PDK4: variants seen among roughly 807,000 people sequenced by gnomAD.
The protein encoded by PDK4 is pyruvate dehydrogenase kinase 4.
Under a neutral mutation model 51.7 loss-of-function variants are expected in PDK4, and 43 were observed. The observed-to-expected ratio is 0.83, with a 90% CI of 0.65 to 1.07. The LOEUF (loss-of-function observed/expected upper bound fraction) is 1.07. PDK4 is among the 50% of genes least tolerant of loss of function. The pLI, the probability that PDK4 is intolerant of heterozygous loss-of-function variation, is 0.00. For synonymous variants in PDK4, 170 were observed against 176.6 expected (o/e 0.96, Z 0.30); for missense variants, 498 against 503.5 (o/e 0.99, Z 0.10).
intron 6 of PDK4, among the ~76,000 whole-genome samples, chr7:95,591,535 A>T (rs1027421884): frequency 1.3e-5 from 2 of 152,080 alleles, no homozygotes; most frequent in Admixed American, 1.3e-4. Flanking sequence ...TGACCATTTT[A>T]TACATCTCAT....
At position 95,592,520 on chromosome 7, in the gene PDK4, C is replaced by T. The variant is rs1791563501; in HGVS notation, c.607G>A (p.Val203Met). The change falls in exon 5 of 11, where the codon GTG (valine) becomes ATG (methionine). Residue 203 changes from valine (V) to methionine (M), a missense_variant. Physicochemically the swap from Val to Met is conservative, Grantham distance 21. Coordinates refer to ENST00000005178, the MANE Select transcript of PDK4 (RefSeq NM_002612.4). Reference sequence around the variant, plus strand: ...GAAATACAGAACATACCTTGGACCACTGCTACCACATCACAGTTAGGATCA... The same window carrying T: ...GAAATACAGAACATACCTTGGACCATTGCTACCACATCACAGTTAGGATCA... ...SIDPNCDVVAVVQDAFECSRM... is the reference protein window; with the variant it reads ...SIDPNCDVVAMVQDAFECSRM... 2 of 1,597,216 alleles carry T rather than the reference C, an allele frequency of 1.3e-6. No individual in the cohort carries two copies. Among genetic ancestry groups the T allele is most frequent in the East Asian group, 2.2e-5 (1 of 44,764 alleles).
intron 3 of PDK4, 113 bp from the exon 4 acceptor site, chr7:95,593,057 A>G (rs1791572794): frequency 3.5e-6 from 2 of 572,354 alleles, no homozygotes; most frequent in Non-Finnish European, 6.1e-6. Flanking sequence ...ATCTGAACAA[A>G]TCAAATGATA....
chr7:95,584,717 A>G lies in PDK4; in HGVS notation c.*924T>C, dbSNP rs1296691762. On this transcript the variant is annotated 3_prime_UTR_variant, in exon 11 of 11. Coordinates refer to ENST00000005178, the MANE Select transcript of PDK4 (RefSeq NM_002612.4). Reference sequence around the variant, plus strand: ...GGATTACCTTCATTTCAGGGTAGAGAAAAGCCCTTCCTACTGAATTAGGCT... The same window carrying G: ...GGATTACCTTCATTTCAGGGTAGAGGAAAGCCCTTCCTACTGAATTAGGCT... 1 of 152,302 alleles carries G rather than the reference A, an allele frequency of 6.6e-6. No homozygotes were observed. Among genetic ancestry groups the G allele is most frequent in the East Asian group, 1.9e-4 (1 of 5,190 alleles). 9.4% of individuals were successfully genotyped at this position (152,302 alleles called of 1,614,324 possible).
intron 7 of PDK4, 104 bp from the exon 8 acceptor site, chr7:95,587,929 A>C (rs1791507735): frequency 1.4e-6 from 1 of 740,420 alleles, no homozygotes; most frequent in Non-Finnish European, 2.3e-6. Context: ...GGGTAATTCA[A>C]AGTTCCTATT....
Position 95,596,481 on chromosome 7 carries a change from G to A in PDK4, c.-188C>T, listed in dbSNP as rs935863513. The A allele has an allele frequency of 7.5e-6, 4 of 536,854 alleles. No homozygotes were observed. The highest frequency in any genetic ancestry group is 4.2e-5 in the African/African-American group (2 of 47,974). 33.3% of individuals were successfully genotyped at this position (536,854 alleles called of 1,614,324 possible). A position where few individuals can be genotyped will look rare whatever the true frequency, so the allele number is the denominator to read the frequency against. ...CGGAGTGAAGAGTCTGGGCAGAGTC[G>A]GAGATGCAGTGGTTCGAGATTCAAG... is the stretch of plus-strand genomic sequence containing the variant. On this transcript the variant is annotated 5_prime_UTR_variant, in exon 1 of 11. Coordinates refer to ENST00000005178, the MANE Select transcript of PDK4 (RefSeq NM_002612.4).
rs1332009826 is a variant in PDK4, at chr7:95,587,529, C to G, written c.871-1G>C. The G allele has an allele frequency of 1.9e-6, 3 of 1,559,082 alleles. No individual in the cohort carries two copies. The highest frequency in any genetic ancestry group is 2.2e-5 in the East Asian group (1 of 44,598). On this transcript the variant is annotated splice_acceptor_variant, in intron 8 of 10. Transcript: ENST00000005178. LOFTEE classifies it high-confidence loss of function. ...GAACACCACCTCCTCTGTCTGAAAT[C>G]TAAAACAAACAAACAAGTCATCAAA...
intron 3 of PDK4, among the ~76,000 whole-genome samples, chr7:95,593,469 TC>T (rs1277769803): frequency 1.3e-5 from 2 of 152,252 alleles, no homozygotes; most frequent in East Asian, 1.9e-4. Context: ...AAAATAGGTC[TC>T]CCTGGGGGAT....
At chr7:95,596,073 A>T in intron 1 of PDK4, 91 bp downstream of exon 1, 1 of 1,362,908 alleles carries the variant, frequency 7.3e-7, no homozygotes, top group African/African-American at 1.6e-5. Flanking sequence ...CAGTTGTTTT[A>T]GCTTGAGCCT....
Position 95,587,365 on chromosome 7 carries a change from CTACA to C in PDK4, c.981+49_981+52del, listed in dbSNP as rs755800792. On this transcript the variant is annotated intron_variant, in intron 9 of 10. Coordinates refer to ENST00000005178, the MANE Select transcript of PDK4 (RefSeq NM_002612.4). ...TAAATAATCCCTTGCAATCCTTGCTCTACATTTAGAACTAGGTGGCTGAGATTAA... is the reference window on the plus strand; with the variant it reads ...TAAATAATCCCTTGCAATCCTTGCTCTTTAGAACTAGGTGGCTGAGATTAA... 21 of 1,069,610 alleles carry C rather than the reference CTACA, an allele frequency of 2.0e-5. No individual in the cohort carries two copies. In the Middle Eastern group the frequency reaches 4.0e-3, roughly 204 times the overall value. The allele number at this position is 1,069,610 out of a possible 1,614,324, so 66.3% of individuals were successfully genotyped here.
At chr7:95,596,092 C>G in intron 1 of PDK4, 72 bp downstream of exon 1, 1 of 1,474,362 alleles carries the variant, frequency 6.8e-7, no homozygotes, top group Non-Finnish European at 9.1e-7. Flanking sequence ...CTAGCCCTCC[C>G]TCTACCAAGG....
intron 6 of PDK4, among the ~76,000 whole-genome samples, chr7:95,590,862 G>A (rs1344451282): frequency 1.3e-5 from 2 of 152,194 alleles, no homozygotes; most frequent in South Asian, 4.1e-4. Flanking sequence ...GGTGAAAATA[G>A]TGCCTTTCGT....
intron 5 of PDK4, 22 bp from the exon 6 acceptor site, chr7:95,592,087 A>T: frequency 7.0e-7 from 1 of 1,428,110 alleles, no homozygotes; most frequent in Non-Finnish European, 9.7e-7. Flanking sequence ...GTTGTTTTTT[A>T]TAACAATGAA....
chr7:95,596,074 G>T lies in PDK4; in HGVS notation c.130+90C>A. On this transcript the variant is annotated intron_variant, in intron 1 of 10. Transcript: ENST00000005178. ...AGCAAAGTGAACCCCAGTTGTTTTA[G>T]CTTGAGCCTAGCCCTCCCTCTACCA... 10 of 1,371,824 alleles carry T rather than the reference G, an allele frequency of 7.3e-6. No homozygotes were observed. In the African/African-American group the frequency reaches 1.2e-4, roughly 17 times the overall value. The allele number at this position is 1,371,824 out of a possible 1,614,324, so 85.0% of individuals were successfully genotyped here.
At chr7:95,595,246 G>T in intron 1 of PDK4, 82 bp from the exon 2 acceptor site, 1 of 858,956 alleles carries the variant, frequency 1.2e-6, no homozygotes, top group Non-Finnish European at 1.8e-6. Flanking sequence ...ATCAAATATT[G>T]AACACACATA....
chr7:95,586,250 A>G (rs905219651), intron 10 of PDK4, among the ~76,000 whole-genome samples: 2 of 138,422 alleles, frequency 1.4e-5, no homozygotes, highest in African/African-American at 5.7e-5. Flanking sequence ...GCTGGAGTGC[A>G]GGGGCACGAT....
In PDK4 at chr7:95,592,903, T is replaced by G; in HGVS notation, c.386A>C (p.Asn129Thr). ...TCCTTGTGCCATTGTAGGGACTACA[T>G]TATGGTGTCTATTTCGAACTTTGAT... Reference protein sequence around the residue: ...TLIKVRNRHHNVVPTMAQGII... With the variant: ...TLIKVRNRHHTVVPTMAQGII... The change falls in exon 4 of 11, where the codon AAT becomes ACT. Residue 129 changes from asparagine (N) to threonine (T), a missense_variant. By Grantham distance (65) the Asn-to-Thr change is moderately conservative. Coordinates refer to ENST00000005178, the MANE Select transcript of PDK4 (RefSeq NM_002612.4). 1 of 1,607,374 alleles carries G rather than the reference T, an allele frequency of 6.2e-7. No individual in the cohort carries two copies. The highest frequency in any genetic ancestry group is 1.1e-5 in the South Asian group (1 of 90,072).
In PDK4 at chr7:95,587,786, G is replaced by C. The variant is rs770226873; in HGVS notation, c.811C>G (p.Pro271Ala). 2.5e-6 allele frequency: 4 copies of C among 1,613,446 alleles called. No individual in the cohort carries two copies. In the African/African-American group the frequency reaches 5.3e-5, roughly 22 times the overall value. ...ATAACCTCTATTGGTGTAAGGGAAGGCTGATTTTCCTGGTGTTCAACTGTT... is the reference window on the plus strand; with the variant it reads ...ATAACCTCTATTGGTGTAAGGGAAGCCTGATTTTCCTGGTGTTCAACTGTT... ...RATVEHQENQ[P>A]SLTPIEVIVV... The change falls in exon 8 of 11, where the codon CCT becomes GCT. Residue 271 changes from proline (P) to alanine (A), a missense_variant. Coordinates refer to ENST00000005178, the MANE Select transcript of PDK4 (RefSeq NM_002612.4).
chr7:95,589,420 G>A (rs1227761471), intron 7 of PDK4, among the ~76,000 whole-genome samples: 1 of 152,192 alleles, frequency 6.6e-6, no homozygotes. Context: ...GATACATCAT[G>A]AATTGTATGA....
chr7:95,596,036 T>C, intron 1 of PDK4, 128 bp downstream of exon 1: 1 of 1,066,956 alleles, frequency 9.4e-7, no homozygotes. Flanking sequence ...GCGTCGAGGC[T>C]CCAGGGCTCA....
Sources: allele counts gnomAD v4.1 joint callset (sites outside exome capture counted in the v4.1 genomes callset), GRCh38; gene constraint gnomAD v4.1.1; transcripts MANE v1.5; gene names NCBI Gene and HGNC (gene_info 2026-07-23, HGNC 2026-07-21).